LEPR: variants seen among roughly 807,000 people sequenced by gnomAD.
LEPR encodes the protein leptin receptor.
LEPR carries 56 observed loss-of-function variants against 114.7 expected under a neutral mutation model. The ratio of observed to expected loss-of-function variants is 0.49; its 90% CI spans 0.39 to 0.61. The LOEUF (loss-of-function observed/expected upper bound fraction) is 0.61, where lower values mean the gene tolerates loss of function less well. Among genes scored for constraint, LEPR ranks in the 20% least tolerant of loss-of-function variants. The pLI is 0.00. For missense variants in LEPR, 1,202 were observed against 1,352.9 expected, an observed-to-expected ratio of 0.89 and a Z score of 1.75; for synonymous variants, 443 against 461.4, an observed-to-expected ratio of 0.96 and a Z score of 0.51.
intron 2 of LEPR, among the ~76,000 whole-genome samples, chr1:65,533,973 T>C (rs1650582219): frequency 6.6e-6 from 1 of 152,156 alleles, no homozygotes. Context: ...GTATCCTATA[T>C]CATTTTTCTG....
chr1:65,625,440 G>T (rs1365697710), intron 19 of LEPR, among the ~76,000 whole-genome samples: 1 of 152,124 alleles, frequency 6.6e-6, no homozygotes, highest in East Asian at 1.9e-4. Context: ...TGAGTATACA[G>T]TTTAATGGGG....
At chr1:65,539,117 C>A (rs1650993445) in intron 2 of LEPR, among the ~76,000 whole-genome samples, 1 of 78,344 alleles carries the variant, frequency 1.3e-5, no homozygotes, top group Admixed American at 1.4e-4. Flanking sequence ...TTTTTAAAAC[C>A]ATTGAAATTT....
intron 5 of LEPR, among the ~76,000 whole-genome samples, chr1:65,574,488 C>T (rs1310659260): frequency 1.3e-5 from 2 of 152,102 alleles, no homozygotes; most frequent in African/African-American, 2.4e-5. Context: ...TTGCCAAGTC[C>T]TTTGGGTGAT....
chr1:65,490,247 C>T (rs908155310), intron 2 of LEPR, among the ~76,000 whole-genome samples: 6 of 151,938 alleles, frequency 3.9e-5, no homozygotes, highest in African/African-American at 9.7e-5. Context: ...CTGCTGTCCA[C>T]GTACCAAAAG....
chr1:65,590,571 A>G (rs1444464653), intron 5 of LEPR, among the ~76,000 whole-genome samples: 2 of 150,266 alleles, frequency 1.3e-5, no homozygotes, highest in Non-Finnish European at 3.0e-5. Flanking sequence ...TTCACTCTGT[A>G]CTTCTTGCTG....
intron 14 of LEPR, among the ~76,000 whole-genome samples, chr1:65,613,987 T>G (rs892480517): frequency 2.6e-5 from 4 of 152,114 alleles, no homozygotes; most frequent in African/African-American, 4.8e-5. Context: ...GAACTTTTAT[T>G]CATTGCTGTG....
intron 2 of LEPR, among the ~76,000 whole-genome samples, chr1:65,501,527 C>G (rs1648452084): frequency 6.6e-6 from 1 of 151,506 alleles, no homozygotes; most frequent in Non-Finnish European, 1.5e-5. Flanking sequence ...CAACAATGAC[C>G]TCTCATCCTA....
intron 5 of LEPR, among the ~76,000 whole-genome samples, chr1:65,586,263 G>A (rs192659352): frequency 3.8e-4 from 58 of 151,906 alleles, no homozygotes; most frequent in African/African-American, 1.3e-3. Context: ...TCCCTCAAAG[G>A]GTGCTTTGAA....
chr1:65,525,406 C>T (rs1054667124), intron 2 of LEPR, among the ~76,000 whole-genome samples: 2 of 152,174 alleles, frequency 1.3e-5, no homozygotes, highest in Non-Finnish European at 2.9e-5. Flanking sequence ...GGCTCTCGGC[C>T]TCCCTGCGGG....
intron 2 of LEPR, among the ~76,000 whole-genome samples, chr1:65,430,847 G>A (rs1288792127): frequency 6.6e-6 from 1 of 152,168 alleles, no homozygotes; most frequent in African/African-American, 2.4e-5. Context: ...TGATCAGAAT[G>A]CCATAGGGGC....
At chr1:65,603,682 A>AT (rs1444926394) in intron 10 of LEPR, among the ~76,000 whole-genome samples, 7 of 146,278 alleles carry the variant, frequency 4.8e-5, no homozygotes, top group East Asian at 2.1e-4. Context: ...ACATTAGGAG[A>AT]TTTTTTTTGC....
chr1:65,441,994 A>G (rs1431345087), intron 2 of LEPR, among the ~76,000 whole-genome samples: 2 of 152,072 alleles, frequency 1.3e-5, no homozygotes, highest in African/African-American at 2.4e-5. Context: ...ATGGTTTGCA[A>G]GTGGGGTTAA....
At chr1:65,525,965 C>T (rs1287699802) in intron 2 of LEPR, 2 of 782,496 alleles carry the variant, frequency 2.6e-6, no homozygotes, top group African/African-American at 1.9e-5. Context: ...CTTAGCGGGA[C>T]CACCAGAGGG....
chr1:65,616,028 A>C lies in LEPR; in HGVS notation c.2016A>C (p.Ser672=). ...LLWKPLMKND[S]LCSVQRYVIN... is the part of the protein sequence containing the mutation. Reference sequence around the variant, plus strand: ...TACAGCCCCTGATGAAAAATGACTCATTGTGCAGTGTTCAGAGATATGTGA... The same window carrying C: ...TACAGCCCCTGATGAAAAATGACTCCTTGTGCAGTGTTCAGAGATATGTGA... Residue 672 remains serine (S), a synonymous_variant, in exon 15 of 20, where the codon TCA becomes TCC. Coordinates refer to ENST00000349533, the MANE Select transcript of LEPR (RefSeq NM_002303.6). The C allele has an allele frequency of 6.2e-7, 1 of 1,614,132 alleles. No homozygotes were observed. The highest frequency in any genetic ancestry group is 1.3e-5 in the African/African-American group (1 of 75,050).
chr1:65,605,545 T>A (rs907084478), intron 11 of LEPR, among the ~76,000 whole-genome samples: 1 of 152,208 alleles, frequency 6.6e-6, no homozygotes, highest in African/African-American at 2.4e-5. Context: ...TTTATGTTTT[T>A]GTTCCAATGT....
In LEPR at chr1:65,425,360, G is replaced by A. The variant is rs1646340478; in HGVS notation, c.-39G>A. ...GGACTGACTTTTCTTATGCTGGGAT[G>A]TGCCTTAGAGGATTATGGGTAAGTT... On this transcript the variant is annotated 5_prime_UTR_variant, in exon 2 of 20. It adds an upstream start codon to the 5' untranslated region. Coordinates refer to ENST00000349533, the MANE Select transcript of LEPR (RefSeq NM_002303.6). The A allele has an allele frequency of 6.2e-7, 1 of 1,605,084 alleles. No individual in the cohort carries two copies. The highest frequency in any genetic ancestry group is 1.3e-5 in the African/African-American group (1 of 74,188).
At chr1:65,549,902 T>C (rs920961431) in intron 2 of LEPR, among the ~76,000 whole-genome samples, 2 of 152,140 alleles carry the variant, frequency 1.3e-5, no homozygotes, top group Non-Finnish European at 2.9e-5. Flanking sequence ...CTTTTTAGAG[T>C]TTCCAGTTTT....
At chr1:65,508,547 G>A (rs901157767) in intron 2 of LEPR, among the ~76,000 whole-genome samples, 1 of 152,026 alleles carries the variant, frequency 6.6e-6, no homozygotes, top group African/African-American at 2.4e-5. Context: ...TGGTCTATGT[G>A]TCTGTTTTTA....
At chr1:65,569,235 T>G (rs1207274084) in intron 3 of LEPR, among the ~76,000 whole-genome samples, 1 of 152,192 alleles carries the variant, frequency 6.6e-6, no homozygotes, top group Non-Finnish European at 1.5e-5. Flanking sequence ...TTCTATTTCC[T>G]TACATTATTA....
Sources: gnomAD v4.1 joint callset for allele counts (sites outside exome capture counted in the v4.1 genomes callset) on GRCh38, gnomAD v4.1.1 for gene constraint, MANE v1.5 for transcripts, NCBI Gene and HGNC (gene_info 2026-07-23, HGNC 2026-07-21) for gene names.